GSK3B: variants seen among roughly 807,000 people sequenced by gnomAD.
GSK3B encodes glycogen synthase kinase-3 beta.
A neutral mutation model predicts 56.4 loss-of-function variants in GSK3B; 15 were observed. The observed-to-expected ratio is 0.27, with a 90% CI of 0.18 to 0.41. The LOEUF is 0.41. Among genes scored for constraint, GSK3B ranks in the 10% least tolerant of loss-of-function variants. GSK3B has a pLI of 1.00. For missense variants in GSK3B, 300 were observed against 513.4 expected (o/e 0.58, Z 4.02); for synonymous variants, 181 against 188.9 (o/e 0.96, Z 0.34).
intron 7 of GSK3B, among the ~76,000 whole-genome samples, chr3:119,895,599 T>A (rs1559826819): frequency 6.6e-6 from 1 of 152,140 alleles, no homozygotes; most frequent in South Asian, 2.1e-4. Flanking sequence ...TGGTGTGAGG[T>A]GGGGGTCCAA....
chr3:119,991,936 CCTGA>C (rs1209793017), intron 2 of GSK3B, among the ~76,000 whole-genome samples: 1 of 151,858 alleles, frequency 6.6e-6, no homozygotes, highest in Non-Finnish European at 1.5e-5. Flanking sequence ...ATTTCTAAAG[CCTGA>C]CTAAGCCAAA....
intron 10 of GSK3B, among the ~76,000 whole-genome samples, chr3:119,831,824 A>C (rs1172073342): frequency 1.3e-5 from 2 of 152,184 alleles, no homozygotes; most frequent in Non-Finnish European, 2.9e-5. Context: ...ACCAATGCCC[A>C]TTATCACCTG....
intron 1 of GSK3B, chr3:120,029,039 T>C (rs1054512694): frequency 1.5e-6 from 1 of 667,144 alleles, no homozygotes; most frequent in Non-Finnish European, 2.7e-6. Context: ...ATAAAATCTT[T>C]ATTTTTTACT....
intron 2 of GSK3B, among the ~76,000 whole-genome samples, chr3:119,985,261 C>A (rs2057504912): frequency 6.6e-6 from 1 of 152,188 alleles, no homozygotes; most frequent in African/African-American, 2.4e-5. Flanking sequence ...GAAGCATTCC[C>A]TTTGAAAACC....
At chr3:119,935,362 T>C (rs2056983682) in intron 3 of GSK3B, among the ~76,000 whole-genome samples, 1 of 152,158 alleles carries the variant, frequency 6.6e-6, no homozygotes. Flanking sequence ...GAATTGCATA[T>C]TGTCAACCTG....
At chr3:119,883,132 C>T (rs901472282) in intron 7 of GSK3B, among the ~76,000 whole-genome samples, 4 of 152,150 alleles carry the variant, frequency 2.6e-5, no homozygotes, top group East Asian at 1.9e-4. Context: ...GTATGTTCCA[C>T]GTTTAATTCA....
At chr3:119,868,682 C>G (rs766090779) in intron 8 of GSK3B, among the ~76,000 whole-genome samples, 12 of 152,248 alleles carry the variant, frequency 7.9e-5, no homozygotes, top group Non-Finnish European at 1.8e-4. Flanking sequence ...TAACAGAACA[C>G]AGAACAAGAG....
chr3:120,009,454 C>A (rs2057760170), intron 1 of GSK3B, among the ~76,000 whole-genome samples: 2 of 152,094 alleles, frequency 1.3e-5, no homozygotes, highest in South Asian at 4.1e-4. Flanking sequence ...CAGTGATAGA[C>A]TGGATTAAGA....
chr3:119,875,498 GACACACACACACACACAC>G (rs66880409), intron 8 of GSK3B, among the ~76,000 whole-genome samples: 64,657 of 144,934 alleles, frequency 0.45, 16,801 homozygotes, highest in Non-Finnish European at 0.57. Context: ...GGTAACCCGT[GACACACACACACACACAC>G]ACACACACAC....
intron 2 of GSK3B, among the ~76,000 whole-genome samples, chr3:119,958,555 G>A (rs1437372726): frequency 1.3e-5 from 2 of 152,086 alleles, no homozygotes; most frequent in African/African-American, 4.8e-5. Flanking sequence ...ATGCACACCT[G>A]TGTTCCTAGC....
At chr3:119,861,518 A>C (rs899943041) in intron 9 of GSK3B, among the ~76,000 whole-genome samples, 5 of 151,916 alleles carry the variant, frequency 3.3e-5, no homozygotes, top group African/African-American at 1.2e-4. Flanking sequence ...CTCAAAAAAA[A>C]AAAAAACAAA....
intron 1 of GSK3B, among the ~76,000 whole-genome samples, chr3:120,016,720 T>C (rs1350957036): frequency 2.6e-5 from 4 of 152,210 alleles, no homozygotes; most frequent in African/African-American, 9.6e-5. Flanking sequence ...ATCTTCTTGG[T>C]TTTACCTCAA....
At chr3:120,044,259 T>C (rs919641441) in intron 1 of GSK3B, among the ~76,000 whole-genome samples, 3 of 152,200 alleles carry the variant, frequency 2.0e-5, no homozygotes, top group Non-Finnish European at 2.9e-5. Flanking sequence ...CTTGTGTCTC[T>C]CACGGAATGG....
At chr3:119,969,245 T>C (rs543028104) in intron 2 of GSK3B, among the ~76,000 whole-genome samples, 28 of 151,752 alleles carry the variant, frequency 1.8e-4, no homozygotes, top group African/African-American at 6.8e-4. Context: ...TGAGCCGAGA[T>C]TGCGCCAACG....
intron 2 of GSK3B, among the ~76,000 whole-genome samples, chr3:119,967,970 C>T (rs563137817): frequency 3.3e-5 from 5 of 152,202 alleles, no homozygotes; most frequent in Admixed American, 3.3e-4. Flanking sequence ...ATTCTCCTGC[C>T]TCAGCCTCCT....
chr3:119,825,789 T>C lies in GSK3B; in HGVS notation c.*999A>G. ...TAGATGACTGTTACAGTTCACATTATTTAACTACAATGTCCTCTCAAGTGT... is the reference window on the plus strand; with the variant it reads ...TAGATGACTGTTACAGTTCACATTACTTAACTACAATGTCCTCTCAAGTGT... On this transcript the variant is annotated 3_prime_UTR_variant, in exon 11 of 11. Coordinates refer to ENST00000264235, the MANE Select transcript of GSK3B (RefSeq NM_001146156.2). 1 of 221,238 alleles carries C rather than the reference T, an allele frequency of 4.5e-6. No homozygotes were observed. Among genetic ancestry groups the C allele is most frequent in the East Asian group, 6.7e-5 (1 of 15,000 alleles). The allele number at this position is 221,238 out of a possible 1,614,324, so 13.7% of individuals were successfully genotyped here.
chr3:119,995,870 T>G (rs540604463), intron 2 of GSK3B, among the ~76,000 whole-genome samples: 38 of 151,978 alleles, frequency 2.5e-4, no homozygotes, highest in African/African-American at 9.2e-4. Flanking sequence ...TCCAAATAGC[T>G]GGGACTACAG....
chr3:119,931,547 C>T (rs571760558), intron 3 of GSK3B, among the ~76,000 whole-genome samples: 57 of 151,928 alleles, frequency 3.8e-4, no homozygotes, highest in South Asian at 1.9e-3. Context: ...ACCCAGGAGG[C>T]GGAGGTTGCA....
intron 8 of GSK3B, among the ~76,000 whole-genome samples, chr3:119,865,370 A>G (rs2056162468): frequency 1.4e-5 from 2 of 147,280 alleles, no homozygotes; most frequent in South Asian, 4.3e-4. Flanking sequence ...TAAATAAAAA[A>G]ATTTCTTATT....
Sources: gnomAD v4.1 joint callset for allele counts (sites outside exome capture counted in the v4.1 genomes callset) on GRCh38, gnomAD v4.1.1 for gene constraint, MANE v1.5 for transcripts, NCBI Gene and HGNC (gene_info 2026-07-23, HGNC 2026-07-21) for gene names.